SNX29: variants seen among roughly 807,000 people sequenced by gnomAD.
SNX29 encodes sorting nexin 29.
Under a neutral mutation model 102.1 loss-of-function variants are expected in SNX29, and 78 were observed. The observed-to-expected ratio is 0.76, with a 90% CI of 0.64 to 0.92. The LOEUF (loss-of-function observed/expected upper bound fraction) is 0.92, where lower values mean the gene tolerates loss of function less well. Among genes scored for constraint, SNX29 ranks in the 40% least tolerant of loss-of-function variants. SNX29 has a pLI of 0.00. For synonymous variants in SNX29, 580 were observed against 414.5 expected (o/e 1.40, Z -4.85); for missense variants, 1,280 against 1,061.7 (o/e 1.21, Z -2.86).
intron 14 of SNX29, among the ~76,000 whole-genome samples, chr16:12,213,953 G>T (rs2077254944): frequency 6.6e-6 from 1 of 152,142 alleles, no homozygotes; most frequent in African/African-American, 2.4e-5. Flanking sequence ...TTGGAGTCAG[G>T]GATGGAGGGT....
intron 6 of SNX29, among the ~76,000 whole-genome samples, chr16:12,046,861 C>T (rs1389098329): frequency 6.6e-6 from 1 of 152,316 alleles, no homozygotes; most frequent in Non-Finnish European, 1.5e-5. Context: ...TCAAGTGATC[C>T]ACCCGCCTTG....
At position 12,404,339 on chromosome 16, in the gene SNX29, C is replaced by T. The variant is rs138690380; in HGVS notation, c.2037+810C>T. ...CCCAATCAAGGGGACTCCAGTTCTC[C>T]GTCTCCTCTCTGATTTTCTGAAGCC... On this transcript the variant is annotated intron_variant, in intron 18 of 20. Transcript: ENST00000566228. Among the ~76,000 whole-genome samples the T allele has an allele frequency of 1.2e-3, 185 of 152,186 alleles. 1 individual carries two copies. Among genetic ancestry groups the T allele is most frequent in the African/African-American group, 3.9e-3 (162 of 41,514 alleles).
At chr16:12,107,387 C>A (rs944799172) in intron 11 of SNX29, among the ~76,000 whole-genome samples, 1 of 148,572 alleles carries the variant, frequency 6.7e-6, no homozygotes, top group African/African-American at 2.5e-5. Flanking sequence ...GAATTTAAGA[C>A]CTGGTGCGGT....
chr16:12,212,663 T>A (rs997197660), intron 14 of SNX29, among the ~76,000 whole-genome samples: 8 of 152,256 alleles, frequency 5.3e-5, no homozygotes, highest in Admixed American at 6.5e-5. Context: ...TGTTCTTGTT[T>A]GCTTACTTTT....
intron 20 of SNX29, among the ~76,000 whole-genome samples, chr16:12,536,930 C>T (rs890750570): frequency 1.3e-5 from 2 of 152,098 alleles, no homozygotes; most frequent in South Asian, 2.1e-4. Context: ...GAGCCGAGAT[C>T]ACAGCACTGC....
At chr16:12,205,242 T>G (rs764160477) in intron 14 of SNX29, among the ~76,000 whole-genome samples, 2 of 152,210 alleles carry the variant, frequency 1.3e-5, no homozygotes, top group African/African-American at 4.8e-5. Flanking sequence ...GCCTGCTGTT[T>G]CCACTCCCAC....
At chr16:12,179,009 A>G (rs2076322862) in intron 13 of SNX29, among the ~76,000 whole-genome samples, 2 of 152,242 alleles carry the variant, frequency 1.3e-5, no homozygotes, top group South Asian at 4.1e-4. Flanking sequence ...ATAAAATAGC[A>G]TAAATAAATA....
At chr16:12,507,712 C>A (rs1024647162) in intron 19 of SNX29, among the ~76,000 whole-genome samples, 3 of 152,134 alleles carry the variant, frequency 2.0e-5, no homozygotes, top group Non-Finnish European at 4.4e-5. Flanking sequence ...TATGAGAAAA[C>A]TCCAGAACCT....
At chr16:12,510,258 G>C (rs2089554226) in intron 19 of SNX29, among the ~76,000 whole-genome samples, 1 of 152,182 alleles carries the variant, frequency 6.6e-6, no homozygotes, top group African/African-American at 2.4e-5. Flanking sequence ...TCCAAAATAT[G>C]GTAGTTTTAC....
chr16:12,226,629 A>G (rs1027293488), intron 14 of SNX29, among the ~76,000 whole-genome samples: 1 of 148,042 alleles, frequency 6.8e-6, no homozygotes, highest in African/African-American at 2.5e-5. Flanking sequence ...GCTAGAGTAC[A>G]CTGGTGCAAT....
chr16:12,321,376 C>G lies in SNX29; in HGVS notation c.1783-34787C>G, dbSNP rs538679198. Among the ~76,000 whole-genome samples the G allele has an allele frequency of 2.0e-5, 3 of 152,308 alleles. No individual in the cohort carries two copies. The South Asian group carries it at 6.2e-4, about 32-fold the overall frequency. On this transcript the variant is annotated intron_variant, in intron 15 of 20. Coordinates refer to ENST00000566228, the MANE Select transcript of SNX29 (RefSeq NM_032167.5). ...GTCCGACCTAGCTAGAGAAAAACAT[C>G]TCAGCCTTTCAGAATTTAGCCCCCA...
intron 19 of SNX29, among the ~76,000 whole-genome samples, chr16:12,488,093 G>C (rs1018237392): frequency 2.6e-5 from 4 of 152,104 alleles, no homozygotes; most frequent in African/African-American, 9.7e-5. Context: ...AATTAGTGTG[G>C]TTTCTTGGGA....
intron 15 of SNX29, among the ~76,000 whole-genome samples, chr16:12,282,102 AAAAAAAT>A (rs1567394007): frequency 6.6e-6 from 1 of 151,244 alleles, no homozygotes; most frequent in East Asian, 1.9e-4. Flanking sequence ...AAAAAAAAAA[AAAAAAAT>A]GCAGAGCTGG....
intron 15 of SNX29, among the ~76,000 whole-genome samples, chr16:12,351,462 C>G (rs903632970): frequency 6.6e-6 from 1 of 152,054 alleles, no homozygotes; most frequent in Non-Finnish European, 1.5e-5. Flanking sequence ...TGGGGGGTGT[C>G]TTGATCTAAT....
chr16:12,436,784 G>A lies in SNX29; in HGVS notation c.2037+33255G>A, dbSNP rs147203341. Reference sequence around the variant, plus strand: ...TTGTACTGCCTCAGCCTCCCTAGTAGCTGGGATTACAGGTGCCTGCCACCA... The same window carrying A: ...TTGTACTGCCTCAGCCTCCCTAGTAACTGGGATTACAGGTGCCTGCCACCA... On this transcript the variant is annotated intron_variant, in intron 18 of 20. Transcript: ENST00000566228. 2.4e-3 allele frequency among the ~76,000 whole-genome samples: 359 copies of A among 152,366 alleles called. 9 individuals are homozygous for A. The East Asian group carries it at 0.045, about 19-fold the overall frequency.
At chr16:11,994,824 G>A (rs2055996587) in intron 1 of SNX29, among the ~76,000 whole-genome samples, 1 of 152,158 alleles carries the variant, frequency 6.6e-6, no homozygotes, top group Non-Finnish European at 1.5e-5. Flanking sequence ...AGCATTGATT[G>A]CTCTGCCTGC....
intron 14 of SNX29, among the ~76,000 whole-genome samples, chr16:12,274,283 T>C (rs1222866044): frequency 6.6e-6 from 1 of 152,238 alleles, no homozygotes; most frequent in African/African-American, 2.4e-5. Flanking sequence ...ATGCCATTTC[T>C]AGTTTTTATC....
intron 16 of SNX29, among the ~76,000 whole-genome samples, chr16:12,380,983 A>C (rs2083097610): frequency 1.1e-5 from 1 of 90,952 alleles, no homozygotes; most frequent in African/African-American, 4.8e-5. Flanking sequence ...CCCACCATCC[A>C]TCCATCCACC....
rs546548024 is a variant in SNX29 at position 12,235,687 on chromosome 16, A to T, written c.1678+36004A>T. ...GAAAAAACCTCTGGGTAAAAAAAAG[A>T]CTTGCATCCACATTTTTTTTATTGA... On this transcript the variant is annotated intron_variant, in intron 14 of 20. Coordinates refer to ENST00000566228, the MANE Select transcript of SNX29 (RefSeq NM_032167.5). Among the ~76,000 whole-genome samples, 107 of 152,326 alleles carry T rather than the reference A, an allele frequency of 7.0e-4. No homozygotes were observed. In the Middle Eastern group the frequency reaches 0.01, roughly 15 times the overall value.
Sources: allele counts gnomAD v4.1 joint callset (sites outside exome capture counted in the v4.1 genomes callset), GRCh38; gene constraint gnomAD v4.1.1; transcripts MANE v1.5; gene names NCBI Gene and HGNC (gene_info 2026-07-23, HGNC 2026-07-21).